CCDC15: variants seen among roughly 807,000 people sequenced by gnomAD.
CCDC15 encodes coiled-coil domain containing 15, also known as coiled-coil domain-containing protein 15.
A neutral mutation model predicts 114.5 loss-of-function variants in CCDC15; 105 were observed. That is an observed-to-expected ratio of 0.92 (90% confidence interval 0.78 to 1.08). The LOEUF is 1.08. Among genes scored for constraint, CCDC15 ranks in the 50% least tolerant of loss-of-function variants. The probability of loss-of-function intolerance (pLI) is 0.00; values close to 1 mark genes in which losing one functional copy is unlikely to be tolerated. For synonymous variants in CCDC15, 334 were observed against 377.8 expected (o/e 0.88, Z 1.34); for missense variants, 1,105 against 1,093.6 (o/e 1.01, Z -0.15).
intron 6 of CCDC15, among the ~76,000 whole-genome samples, chr11:124,986,192 T>A (rs1224362008): frequency 6.6e-6 from 1 of 152,236 alleles, no homozygotes; most frequent in East Asian, 1.9e-4. Flanking sequence ...TTTCTGAACT[T>A]TGAGTTCTGT....
chr11:124,996,466 G>A (rs1466976112), intron 11 of CCDC15, among the ~76,000 whole-genome samples: 1 of 152,172 alleles, frequency 6.6e-6, no homozygotes, highest in African/African-American at 2.4e-5. Flanking sequence ...ACTGTCAAGA[G>A]TTGTATGCAT....
At chr11:125,035,763 G>A (rs1211828488) in intron 13 of CCDC15, among the ~76,000 whole-genome samples, 1 of 152,022 alleles carries the variant, frequency 6.6e-6, no homozygotes, top group Non-Finnish European at 1.5e-5. Context: ...ATGAAGTTAC[G>A]ATGAGGCTTG....
In CCDC15 at chr11:125,034,095, G is replaced by T. The variant is rs4936972; in HGVS notation, c.2412-4336G>T. 5.6e-3 allele frequency among the ~76,000 whole-genome samples: 849 copies of T among 152,152 alleles called. 8 individuals are homozygous for T. Among genetic ancestry groups the T allele is most frequent in the African/African-American group, 0.019 (807 of 41,472 alleles). On this transcript the variant is annotated intron_variant, in intron 13 of 15. Coordinates refer to ENST00000344762, the MANE Select transcript of CCDC15 (RefSeq NM_025004.3). The stretch of plus-strand genomic sequence containing the variant: ...CTTATGTTGCCTGGCAACTGCCTCA[G>T]GGGAGGCCATCACTGTTGCCTCAGG...
rs1947647313 is a variant in CCDC15 at position 124,960,842 on chromosome 11, A to C, written c.516+839A>C. Among the ~76,000 whole-genome samples the C allele has an allele frequency of 2.0e-5, 3 of 152,160 alleles. No homozygotes were observed. In the South Asian group the frequency reaches 6.2e-4, roughly 32 times the overall value. ...AACTCTGCTTCAGTAATTGTTCTTC[A>C]TCTTATTTAAAATGTATTACTAGAA... On this transcript the variant is annotated intron_variant, in intron 4 of 15. Transcript: ENST00000344762.
At chr11:124,967,281 CAT>C (rs1947801112) in intron 4 of CCDC15, among the ~76,000 whole-genome samples, 1 of 152,198 alleles carries the variant, frequency 6.6e-6, no homozygotes, top group Non-Finnish European at 1.5e-5. Flanking sequence ...ACCAATCAAA[CAT>C]AGATTTGGTC....
chr11:124,984,635 C>T (rs553654394), intron 6 of CCDC15, among the ~76,000 whole-genome samples: 3 of 152,158 alleles, frequency 2.0e-5, no homozygotes, highest in Non-Finnish European at 2.9e-5. Flanking sequence ...GCTCTCCCTG[C>T]CAGCGCAAGT....
At chr11:124,978,100 G>C (rs536184532) in intron 6 of CCDC15, among the ~76,000 whole-genome samples, 33 of 152,232 alleles carry the variant, frequency 2.2e-4, no homozygotes, top group African/African-American at 7.9e-4. Context: ...GTTAGAACAT[G>C]TGGTATTTGG....
chr11:125,014,424 C>T (rs1162915074), intron 13 of CCDC15, among the ~76,000 whole-genome samples: 8 of 152,108 alleles, frequency 5.3e-5, no homozygotes, highest in South Asian at 2.1e-4. Flanking sequence ...AAAGAAAAGA[C>T]AACAGAAGCA....
intron 6 of CCDC15, among the ~76,000 whole-genome samples, chr11:124,980,663 T>C (rs764331874): frequency 2.0e-5 from 3 of 152,194 alleles, no homozygotes; most frequent in Non-Finnish European, 4.4e-5. Flanking sequence ...ATTCTCTCTT[T>C]TTAATTAATC....
intron 4 of CCDC15, among the ~76,000 whole-genome samples, chr11:124,967,015 G>C (rs1947795495): frequency 6.6e-6 from 1 of 152,226 alleles, no homozygotes; most frequent in African/African-American, 2.4e-5. Flanking sequence ...TCCGCTGTTA[G>C]TCTGATGGGC....
At chr11:125,023,495 A>C (rs1458402176) in intron 13 of CCDC15, among the ~76,000 whole-genome samples, 1 of 152,058 alleles carries the variant, frequency 6.6e-6, no homozygotes, top group East Asian at 1.9e-4. Flanking sequence ...GATTTAAATT[A>C]ACATTTCTCT....
chr11:124,981,919 C>T (rs948703386), intron 6 of CCDC15, among the ~76,000 whole-genome samples: 2 of 152,104 alleles, frequency 1.3e-5, no homozygotes, highest in Admixed American at 6.5e-5. Flanking sequence ...TCGCAGCTGG[C>T]CTGAGTCTCT....
At chr11:124,965,716 C>T (rs1475663869) in intron 4 of CCDC15, among the ~76,000 whole-genome samples, 2 of 152,090 alleles carry the variant, frequency 1.3e-5, no homozygotes, top group Non-Finnish European at 2.9e-5. Context: ...TTCTCTAGTT[C>T]TTTTAATTGT....
chr11:124,993,186 A>T lies in CCDC15; in HGVS notation c.2157A>T (p.Leu719=), dbSNP rs755705801. 15 of 1,605,804 alleles carry T rather than the reference A, an allele frequency of 9.3e-6. No homozygotes were observed. In the South Asian group the frequency reaches 1.7e-4, roughly 18 times the overall value. ...SPREQNKHIK[L]PSSFEKWEIA... ...TCCTTTAGAACAAGCATATCAAACT[A>T]CCCTCATCTTTTGAGAAATGGGAGA... The change falls in exon 11 of 16, where the codon CTA becomes CTT. Residue 719 remains leucine, a synonymous_variant. Transcript: ENST00000344762.
intron 11 of CCDC15, among the ~76,000 whole-genome samples, chr11:125,000,162 T>C (rs1460792886): frequency 2.0e-5 from 3 of 152,112 alleles, no homozygotes; most frequent in Non-Finnish European, 1.5e-5. Context: ...CATGCCAGGC[T>C]AATATTTCTA....
chr11:124,987,880 A>C lies in CCDC15; in HGVS notation c.1654A>C (p.Asn552His), dbSNP rs763353843. 2.0e-5 allele frequency: 33 copies of C among 1,614,016 alleles called. No individual in the cohort carries two copies. Among genetic ancestry groups the C allele is most frequent in the Non-Finnish European group, 2.8e-5 (33 of 1,179,884 alleles). The change falls in exon 8 of 16, where the codon AAT (asparagine) becomes CAT (histidine). Residue 552 changes from asparagine to histidine, a missense_variant. Physicochemically the swap from Asn to His is moderately conservative, Grantham distance 68 (BLOSUM62 1). Coordinates refer to ENST00000344762, the MANE Select transcript of CCDC15 (RefSeq NM_025004.3). ...CCAGCATGTTCTCCCCAAAGACTGG[A>C]ATATTCTACCCAAATGTCAGGACCA... is the stretch of plus-strand genomic sequence containing the variant. Reference protein sequence around the residue: ...RDQHVLPKDWNILPKCQDQDF... With the variant: ...RDQHVLPKDWHILPKCQDQDF...
chr11:125,038,266 G>A, intron 13 of CCDC15, 165 bp from the exon 14 acceptor site: 1 of 487,548 alleles, frequency 2.1e-6, no homozygotes, highest in Admixed American at 4.0e-5. Flanking sequence ...CTCTTTGGGA[G>A]GAGATAAAGC....
intron 13 of CCDC15, among the ~76,000 whole-genome samples, chr11:125,016,403 A>G (rs1195845568): frequency 1.3e-5 from 2 of 152,174 alleles, no homozygotes; most frequent in African/African-American, 4.8e-5. Flanking sequence ...ATGCTTGGAA[A>G]AAAAAAATCT....
intron 4 of CCDC15, among the ~76,000 whole-genome samples, chr11:124,964,142 T>C (rs1565354772): frequency 6.6e-6 from 1 of 152,180 alleles, no homozygotes. Flanking sequence ...TTTGGTTCCA[T>C]ATGAACTTTA....
Sources: allele counts gnomAD v4.1 joint callset (sites outside exome capture counted in the v4.1 genomes callset), GRCh38; gene constraint gnomAD v4.1.1; transcripts MANE v1.5; gene names NCBI Gene and HGNC (gene_info 2026-07-23, HGNC 2026-07-21).